Variants in VPS54 observed in about 807,000 individuals in gnomAD.
The protein encoded by VPS54 is vacuolar protein sorting-associated protein 54.
A neutral mutation model predicts 121.5 loss-of-function variants in VPS54; 45 were observed. That is an observed-to-expected ratio of 0.37 (90% CI 0.29 to 0.47). The LOEUF is 0.47. Among genes scored for constraint, VPS54 ranks in the 20% least tolerant of loss-of-function variants. The pLI is 0.99. For synonymous variants in VPS54, 371 were observed against 385.8 expected (o/e 0.96, Z 0.45); for missense variants, 1,090 against 1,131.4 (o/e 0.96, Z 0.52).
At chr2:63,899,120 T>A (rs1208328109) in intron 21 of VPS54, among the ~76,000 whole-genome samples, 1 of 152,176 alleles carries the variant, frequency 6.6e-6, no homozygotes, top group Non-Finnish European at 1.5e-5. Flanking sequence ...TGAATTACAA[T>A]CACCGTAACA....
At chr2:63,910,909 TTTTG>T (rs1255404140) in intron 20 of VPS54, among the ~76,000 whole-genome samples, 7 of 152,208 alleles carry the variant, frequency 4.6e-5, no homozygotes, top group South Asian at 2.1e-4. Context: ...GTTCCACTAT[TTTTG>T]TTTGTTTGTT....
chr2:63,999,154 T>G (rs1159648604), intron 1 of VPS54, among the ~76,000 whole-genome samples: 5 of 152,154 alleles, frequency 3.3e-5, no homozygotes, highest in Admixed American at 3.3e-4. Context: ...TTCATCATGT[T>G]AGCCAGGCTA....
At chr2:63,996,968 G>C (rs1677626760) in intron 1 of VPS54, among the ~76,000 whole-genome samples, 1 of 152,106 alleles carries the variant, frequency 6.6e-6, no homozygotes, top group African/African-American at 2.4e-5. Flanking sequence ...ATAAAAACTT[G>C]CTGGTTTTAT....
At chr2:63,955,098 A>C (rs1279384839) in intron 7 of VPS54, among the ~76,000 whole-genome samples, 1 of 152,082 alleles carries the variant, frequency 6.6e-6, no homozygotes, top group Non-Finnish European at 1.5e-5. Flanking sequence ...ATACCTAATG[A>C]AATATTTATG....
chr2:63,911,697 G>A (rs907955192), intron 20 of VPS54, among the ~76,000 whole-genome samples: 9 of 152,140 alleles, frequency 5.9e-5, no homozygotes, highest in African/African-American at 1.7e-4. Context: ...AGGATAAAAA[G>A]CAAATCAAAG....
At chr2:63,912,179 C>A (rs1247038212) in intron 20 of VPS54, among the ~76,000 whole-genome samples, 166 bp downstream of exon 20, 1 of 152,016 alleles carries the variant, frequency 6.6e-6, no homozygotes, top group Non-Finnish European at 1.5e-5. Context: ...TTGGTCACAG[C>A]ACATGGTCAC....
chr2:64,001,643 C>A (rs1379566961), intron 1 of VPS54, among the ~76,000 whole-genome samples: 1 of 152,006 alleles, frequency 6.6e-6, no homozygotes, highest in East Asian at 1.9e-4. Context: ...CTAGCCCAGG[C>A]GTGTGTCTAG....
At chr2:63,956,894 A>G (rs1367492374) in intron 7 of VPS54, among the ~76,000 whole-genome samples, 1 of 152,190 alleles carries the variant, frequency 6.6e-6, no homozygotes, top group Admixed American at 6.5e-5. Context: ...CAGTAAGAGC[A>G]AATAACGACA....
intron 1 of VPS54, among the ~76,000 whole-genome samples, chr2:63,996,871 G>A (rs1173921472): frequency 1.3e-5 from 2 of 152,070 alleles, no homozygotes; most frequent in Non-Finnish European, 2.9e-5. Context: ...CTGCCCATTT[G>A]CCTTGTGATA....
In VPS54 at chr2:63,893,389, A is replaced by G; in HGVS notation, c.*41T>C. 1 of 1,528,828 alleles carries G rather than the reference A, an allele frequency of 6.5e-7. No homozygotes were observed. The highest frequency in any genetic ancestry group is 1.1e-5 in the South Asian group (1 of 89,246). The allele number at this position is 1,528,828 out of a possible 1,614,324, so 94.7% of individuals were successfully genotyped here. A position where few individuals can be genotyped will look rare whatever the true frequency, so the allele number is the denominator to read the frequency against. ...TCCAGATTTTCTTCATAACAAACAC[A>G]TCCCATGGTCAGATGAACTACCCAG... On this transcript the variant is annotated 3_prime_UTR_variant, in exon 23 of 23. Coordinates refer to ENST00000272322, the MANE Select transcript of VPS54 (RefSeq NM_016516.3).
intron 12 of VPS54, 94 bp downstream of exon 12, chr2:63,933,579 A>G (rs1674314561): frequency 2.6e-6 from 3 of 1,175,140 alleles, no homozygotes; most frequent in East Asian, 2.5e-5. Context: ...TAAAATTTAC[A>G]TGGTTTTTCA....
intron 1 of VPS54, among the ~76,000 whole-genome samples, chr2:64,001,616 AG>A (rs1204942488): frequency 1.3e-5 from 2 of 152,038 alleles, no homozygotes; most frequent in African/African-American, 4.8e-5. Context: ...CCTCCCTTCA[AG>A]GCAACAGGTT....
chr2:63,933,721 C>A lies in VPS54; in HGVS notation c.1691G>T (p.Ser564Ile). 1 of 1,613,616 alleles carries A rather than the reference C, an allele frequency of 6.2e-7. No individual in the cohort carries two copies. The highest frequency in any genetic ancestry group is 1.7e-4 in the Middle Eastern group (1 of 6,060). ...EPECTTDSSSSKEHTSSSAIP... is the reference protein window; with the variant it reads ...EPECTTDSSSIKEHTSSSAIP... ...AGCAGATGATGATGTGTGCTCTTTG[C>A]TGGATGAAGAATCAGTAGTACATTC... Residue 564 changes from serine to isoleucine, a missense_variant, in exon 12 of 23, where the codon AGC becomes ATC. Coordinates refer to ENST00000272322, the MANE Select transcript of VPS54 (RefSeq NM_016516.3).
chr2:63,993,806 G>A (rs1010403281), intron 1 of VPS54, among the ~76,000 whole-genome samples: 1 of 152,184 alleles, frequency 6.6e-6, no homozygotes, highest in African/African-American at 2.4e-5. Flanking sequence ...TCCTGAGGCT[G>A]TTACAGTGTT....
At position 63,962,176 on chromosome 2, in the gene VPS54, G is replaced by T; in HGVS notation, c.892C>A (p.Gln298Lys). 1 of 1,613,926 alleles carries T rather than the reference G, an allele frequency of 6.2e-7. No homozygotes were observed. Among genetic ancestry groups the T allele is most frequent in the Non-Finnish European group, 8.5e-7 (1 of 1,179,844 alleles). Residue 298 changes from glutamine to lysine, a missense_variant, in exon 7 of 23, where the codon CAG (glutamine) becomes AAG (lysine). This residue lies in a region of VPS54 where 801 missense variants were observed against 757.0 expected (regional missense o/e 1.06). Transcript: ENST00000272322. Reference protein sequence around the residue: ...NKLKLMATVHQTQPTVQVLLS... With the variant: ...NKLKLMATVHKTQPTVQVLLS... Reference sequence around the variant, plus strand: ...AACACCTGTACTGTAGGCTGAGTCTGGTGTACAGTGGCCATTAACTTCAGC... The same window carrying T: ...AACACCTGTACTGTAGGCTGAGTCTTGTGTACAGTGGCCATTAACTTCAGC...
intron 20 of VPS54, among the ~76,000 whole-genome samples, chr2:63,907,811 C>T (rs1663840979): frequency 6.6e-6 from 1 of 152,020 alleles, no homozygotes; most frequent in Non-Finnish European, 1.5e-5. Flanking sequence ...GGCAAACAAG[C>T]ACATGAAAAG....
At chr2:63,906,706 G>A (rs1355267062) in intron 20 of VPS54, among the ~76,000 whole-genome samples, 1 of 152,172 alleles carries the variant, frequency 6.6e-6, no homozygotes, top group African/African-American at 2.4e-5. Context: ...GCTAGCAGGT[G>A]CAATCTGGCT....
At chr2:64,017,587 T>G (rs1245104034) in intron 1 of VPS54, among the ~76,000 whole-genome samples, 4 of 152,228 alleles carry the variant, frequency 2.6e-5, no homozygotes, top group African/African-American at 9.6e-5. Context: ...GTAACAATAC[T>G]TCTACAAGAA....
At chr2:63,979,850 G>C (rs1676727148) in intron 3 of VPS54, among the ~76,000 whole-genome samples, 1 of 152,084 alleles carries the variant, frequency 6.6e-6, no homozygotes, top group Admixed American at 6.5e-5. Context: ...TACTGTGTAT[G>C]AGGTAAAGTC....
Sources: gnomAD v4.1 joint callset for allele counts (sites outside exome capture counted in the v4.1 genomes callset) on GRCh38, gnomAD v4.1.1 for gene constraint, gnomAD v4.1.1 regional missense constraint, MANE v1.5 for transcripts, NCBI Gene and HGNC (gene_info 2026-07-23, HGNC 2026-07-21) for gene names.